BRCA1: variants seen among roughly 807,000 people sequenced by gnomAD.
The protein encoded by BRCA1 is BRCA1 DNA repair associated.
In BRCA1, 140 loss-of-function variants were observed where a neutral mutation model predicts 173.7. The ratio of observed to expected loss-of-function variants is 0.81; its 90% confidence interval spans 0.70 to 0.93. BRCA1 has a LOEUF of 0.93. Ranked by LOEUF, BRCA1 falls within the 40% of genes least tolerant of loss-of-function variation. The pLI, the probability that BRCA1 is intolerant of heterozygous loss-of-function variation, is 0.00. For missense variants in BRCA1, 1,983 were observed against 2,172.5 expected (o/e 0.91, Z 1.73); for synonymous variants, 662 against 756.0 (o/e 0.88, Z 2.04).
intron 11 of BRCA1, among the ~76,000 whole-genome samples, chr17:43,089,809 C>A (rs1269595146): frequency 6.6e-6 from 1 of 151,640 alleles, no homozygotes; most frequent in African/African-American, 2.4e-5. Flanking sequence ...GATTTTGAGA[C>A]CAGCCTGGGC....
rs2154392681 is a variant in BRCA1 at position 43,093,319 on chromosome 17, C to T, written c.2212G>A (p.Val738Ile). ...REEKEEKLET[V>I]KVSNNAEDPK... ...TCTTCAGCATTATTAGACACTTTAA[C>T]TGTTTCTAGTTTCTCTTCTTTTTCT... Residue 738 changes from valine (V) to isoleucine (I), a missense_variant, in exon 10 of 23, where the codon GTT (valine) becomes ATT (isoleucine). Val to Ile is a conservative substitution (Grantham distance 29). Transcript: ENST00000357654. The T allele has an allele frequency of 6.2e-7, 1 of 1,613,742 alleles. No individual in the cohort carries two copies. The highest frequency in any genetic ancestry group is 1.1e-5 in the South Asian group (1 of 91,016).
intron 2 of BRCA1, among the ~76,000 whole-genome samples, chr17:43,118,604 GTTAA>G (rs1159835628): frequency 1.3e-5 from 2 of 151,918 alleles, no homozygotes; most frequent in Admixed American, 6.6e-5. Context: ...AATTTTTAAT[GTTAA>G]TTAATTTTTG....
intron 13 of BRCA1, 104 bp downstream of exon 13, chr17:43,076,384 T>C (rs186832985): frequency 2.2e-6 from 3 of 1,392,404 alleles, no homozygotes; most frequent in African/African-American, 1.4e-5. Flanking sequence ...TAAATGCCTG[T>C]ATGCAAAAAA....
intron 1 of BRCA1, among the ~76,000 whole-genome samples, chr17:43,141,301 T>C (rs999998738): frequency 3.3e-5 from 5 of 151,978 alleles, no homozygotes; most frequent in African/African-American, 4.8e-5. Context: ...TGGGGTAGCA[T>C]TGGGGAATAA....
intron 13 of BRCA1, among the ~76,000 whole-genome samples, chr17:43,074,994 G>A (rs770964634): frequency 6.8e-6 from 1 of 146,306 alleles, no homozygotes; most frequent in Non-Finnish European, 1.5e-5. Context: ...AGGAAGGAAA[G>A]AAAGGAAGAA....
intron 14 of BRCA1, 50 bp downstream of exon 14, chr17:43,074,281 T>G: frequency 6.3e-7 from 1 of 1,599,922 alleles, no homozygotes; most frequent in South Asian, 1.1e-5. Context: ...TTATGTAGGA[T>G]TCAGAGTAAA....
At chr17:43,056,715 GAA>G (rs1249618467) in intron 19 of BRCA1, among the ~76,000 whole-genome samples, 11 of 151,932 alleles carry the variant, frequency 7.2e-5, no homozygotes. Context: ...GAGAGAGAGA[GAA>G]AGACACCCCA....
At chr17:43,138,270 T>C (rs1483469961) in intron 1 of BRCA1, 1 of 210,424 alleles carries the variant, frequency 4.8e-6, no homozygotes, top group Non-Finnish European at 9.5e-6. Context: ...TGGCAGCCTT[T>C]TTCAATGAGA....
At chr17:43,150,202 T>A (rs577799469) in intron 1 of BRCA1, among the ~76,000 whole-genome samples, 1 of 152,264 alleles carries the variant, frequency 6.6e-6, no homozygotes, top group Admixed American at 6.5e-5. Context: ...CTGAACCTCC[T>A]GGGCTCAAGC....
intron 3 of BRCA1, chr17:43,110,356 G>C (rs2054981303): frequency 4.6e-6 from 1 of 216,410 alleles, no homozygotes. Context: ...GGATGCCTAG[G>C]TGGGCAGACG....
Position 43,071,206 on chromosome 17 carries a change from G to C in BRCA1, c.4708C>G (p.Leu1570Val), listed in dbSNP as rs147703239. The C allele has an allele frequency of 3.7e-6, 6 of 1,614,168 alleles. No individual in the cohort carries two copies. The highest frequency in any genetic ancestry group is 4.2e-6 in the Non-Finnish European group (5 of 1,180,018). Residue 1570 changes from leucine to valine, a missense_variant, in exon 15 of 23, where the codon CTC becomes GTC. Transcript: ENST00000357654. ...TCAGATTCAGGGTCATCAGAGAAGA[G>C]GCTGATTCCAGATTCCAGGTAAGGG... ...GTPYLESGISLFSDDPESDPS... is the reference protein window; with the variant it reads ...GTPYLESGISVFSDDPESDPS...
rs903398310 is a variant in BRCA1 at position 43,099,364 on chromosome 17, G to A, written c.547+411C>T. Among the ~76,000 whole-genome samples the A allele has an allele frequency of 3.3e-5, 5 of 151,248 alleles. No individual in the cohort carries two copies. In the South Asian group the frequency reaches 6.3e-4, roughly 19 times the overall value. The stretch of plus-strand genomic sequence containing the variant: ...CGGTTCACCGCAACCTCCACCTCCC[G>A]GGTTCAAGTGATTCTCCTGCCTCAG... On this transcript the variant is annotated intron_variant, in intron 7 of 22. Transcript: ENST00000357654.
intron 13 of BRCA1, 77 bp from the exon 14 acceptor site, chr17:43,074,598 G>T: frequency 7.5e-7 from 1 of 1,338,518 alleles, no homozygotes; most frequent in African/African-American, 1.4e-5. Flanking sequence ...GGCAGCCAAA[G>T]CATAAATGAA....
chr17:43,059,832 T>C (rs911309604), intron 18 of BRCA1, among the ~76,000 whole-genome samples: 1 of 152,198 alleles, frequency 6.6e-6, no homozygotes, highest in African/African-American at 2.4e-5. Context: ...ATCTATGACC[T>C]TCTCCCATTC....
chr17:43,131,240 A>G (rs2055962504), intron 1 of BRCA1: 1 of 364,626 alleles, frequency 2.7e-6, no homozygotes, highest in South Asian at 2.2e-5. Flanking sequence ...ATAGTATTAA[A>G]ATAAAATACC....
chr17:43,144,852 C>T (rs1303529765), intron 1 of BRCA1: 1 of 499,770 alleles, frequency 2.0e-6, no homozygotes, highest in African/African-American at 2.0e-5. Context: ...GAGAGCAGCT[C>T]CGGTGGCGGG....
chr17:43,154,630 A>T (rs528157063), intron 1 of BRCA1, among the ~76,000 whole-genome samples: 1 of 152,226 alleles, frequency 6.6e-6, no homozygotes, highest in South Asian at 2.1e-4. Context: ...CACAAAACCA[A>T]GGCATTCCTG....
rs545723152 is a variant in BRCA1, at chr17:43,051,581, C to T, written c.5278-464G>A. Among the ~76,000 whole-genome samples, 83 of 152,066 alleles carry T rather than the reference C, an allele frequency of 5.5e-4. 4 individuals carry two copies. In the South Asian group the frequency reaches 0.017, roughly 30 times the overall value. ...GGTACCTCAAGTACTCACTATGACC[C>T]CATCAACAGAGGGGTCTATGTTGAT... On this transcript the variant is annotated intron_variant, in intron 19 of 22. Transcript: ENST00000357654.
chr17:43,045,554 A>C lies in BRCA1; in HGVS notation c.*124T>G. ...AAGTCCTTTTCAGGCTGATGTACAT[A>C]AAATATTTAGTAGCCAGGACAGTAG... On this transcript the variant is annotated 3_prime_UTR_variant, in exon 23 of 23. Transcript: ENST00000357654. 7.1e-7 allele frequency: 1 copy of C among 1,416,952 alleles called. No individual in the cohort carries two copies. The highest frequency in any genetic ancestry group is 9.8e-7 in the Non-Finnish European group (1 of 1,021,076). The allele number at this position is 1,416,952 out of a possible 1,614,324, so 87.8% of individuals were successfully genotyped here.
Sources: gnomAD v4.1 joint callset for allele counts (sites outside exome capture counted in the v4.1 genomes callset) on GRCh38, gnomAD v4.1.1 for gene constraint, MANE v1.5 for transcripts, NCBI Gene and HGNC (gene_info 2026-07-23, HGNC 2026-07-21) for gene names.